ZNF91: variants seen among roughly 807,000 people sequenced by gnomAD.
The protein encoded by ZNF91 is zinc finger protein 91 (HPF7, HTF10).
In ZNF91, 7 loss-of-function variants were observed where a neutral mutation model predicts 12.6. That is an observed-to-expected ratio of 0.55 (90% confidence interval 0.31 to 1.04). The LOEUF (loss-of-function observed/expected upper bound fraction) is 1.04. Ranked by LOEUF, ZNF91 falls within the 50% of genes least tolerant of loss-of-function variation. The probability of loss-of-function intolerance (pLI) is 0.05; values close to 1 mark genes in which losing one functional copy is unlikely to be tolerated. For missense variants in ZNF91, 1,217 were observed against 1,385.4 expected (o/e 0.88, Z 1.93); for synonymous variants, 453 against 462.6 (o/e 0.98, Z 0.27).
chr19:23,351,612 T>G (rs1331418123), intron 3 of ZNF91, among the ~76,000 whole-genome samples: 1 of 152,222 alleles, frequency 6.6e-6, no homozygotes, highest in Admixed American at 6.5e-5. Context: ...TGAACAGTTT[T>G]GACCTGGGAC....
At chr19:23,344,002 T>C (rs1358275199) in intron 3 of ZNF91, among the ~76,000 whole-genome samples, 1 of 152,204 alleles carries the variant, frequency 6.6e-6, no homozygotes, top group Non-Finnish European at 1.5e-5. Flanking sequence ...ACCAAGTGAA[T>C]AAAATGGACA....
At chr19:23,375,782 TTAA>T (rs1240208924) in intron 1 of ZNF91, among the ~76,000 whole-genome samples, 1 of 152,142 alleles carries the variant, frequency 6.6e-6, no homozygotes, top group Admixed American at 6.5e-5. Context: ...ATAAAGATAC[TTAA>T]TGATGAAGAG....
intron 1 of ZNF91, among the ~76,000 whole-genome samples, chr19:23,389,155 G>C (rs915326566): frequency 6.6e-6 from 1 of 151,224 alleles, no homozygotes; most frequent in South Asian, 2.1e-4. Flanking sequence ...AAAAATAGAA[G>C]TTTAAAAAAA....
chr19:23,362,000 A>G lies in ZNF91; in HGVS notation c.979T>C (p.Cys327Arg). 6.2e-7 allele frequency: 1 copy of G among 1,613,636 alleles called. No individual in the cohort carries two copies. The highest frequency in any genetic ancestry group is 8.5e-7 in the Non-Finnish European group (1 of 1,179,794). The change falls in exon 4 of 4, where the codon TGT (cysteine) becomes CGT (arginine). Residue 327 changes from cysteine to arginine, a missense_variant. Cys to Arg is a radical substitution (Grantham distance 180, BLOSUM62 -3). Transcript: ENST00000300619. Reference sequence around the variant, plus strand: ...GAAGAACGGCTAAAAGCTTTGCCACATTCTTCACATTTGTAGGGTTTCTCT... The same window carrying G: ...GAAGAACGGCTAAAAGCTTTGCCACGTTCTTCACATTTGTAGGGTTTCTCT... The part of the protein sequence containing the change: ...TGEKPYKCEE[C>R]GKAFSRSSTL...
chr19:23,375,260 CG>C (rs1297570662), intron 1 of ZNF91, among the ~76,000 whole-genome samples: 2 of 151,896 alleles, frequency 1.3e-5, no homozygotes, highest in Non-Finnish European at 2.9e-5. Flanking sequence ...TCCCGGGTTC[CG>C]TGATTCTCCT....
Position 23,324,681 on chromosome 19 carries a change from G to A in ZNF91, n.117-15584C>T, listed in dbSNP as rs976785335. On this transcript the variant is annotated intron_variant and non_coding_transcript_variant, in intron 1 of 1. Coordinates refer to the ZNF91 transcript ENST00000596528. The stretch of plus-strand genomic sequence containing the variant: ...ATTATGACTCACTGTAGCCTCAAGA[G>A]ATCCTCTCACCTCACCCTCCCGAGT... The A allele has an allele frequency of 2.6e-5, 4 of 152,112 alleles. No individual in the cohort carries two copies. The South Asian group carries it at 8.3e-4, about 32-fold the overall frequency. 9.4% of individuals were successfully genotyped at this position (152,112 alleles called of 1,614,324 possible).
intron 3 of ZNF91, among the ~76,000 whole-genome samples, chr19:23,347,642 C>G (rs1204687702): frequency 6.6e-6 from 1 of 152,210 alleles, no homozygotes; most frequent in Non-Finnish European, 1.5e-5. Flanking sequence ...AAAGCCTCCA[C>G]AACTCTTTCC....
At chr19:23,342,131 C>A in intron 3 of ZNF91, 1 of 415,296 alleles carries the variant, frequency 2.4e-6, no homozygotes, top group South Asian at 6.0e-5. Context: ...ACCTTCGTAT[C>A]CCTCGTCTCT....
intron 1 of ZNF91, chr19:23,384,691 G>T (rs1969818711): frequency 1.7e-6 from 1 of 588,612 alleles, no homozygotes; most frequent in Admixed American, 2.6e-5. Context: ...CGTCTTTGGA[G>T]ATATTTCCTT....
chr19:23,385,858 T>C (rs557140795), intron 1 of ZNF91, among the ~76,000 whole-genome samples: 1 of 152,304 alleles, frequency 6.6e-6, no homozygotes, highest in East Asian at 1.9e-4. Flanking sequence ...ATATCTACAT[T>C]GCAAAATTTT....
chr19:23,322,308 G>C (rs1568367309), intron 1 of ZNF91, among the ~76,000 whole-genome samples: 1 of 152,100 alleles, frequency 6.6e-6, no homozygotes, highest in South Asian at 2.1e-4. Flanking sequence ...TAGAACCTAG[G>C]TGATATGGCT....
At chr19:23,317,374 ATAGG>A (rs1470753090) in intron 1 of ZNF91, among the ~76,000 whole-genome samples, 1 of 152,120 alleles carries the variant, frequency 6.6e-6, no homozygotes, top group Non-Finnish European at 1.5e-5. Flanking sequence ...AACCTAGTTC[ATAGG>A]TAGGTGAGGA....
downstream of ZNF91, among the ~76,000 whole-genome samples, chr19:23,337,072 G>T (rs1398414144): frequency 6.6e-6 from 1 of 151,960 alleles, no homozygotes; most frequent in Non-Finnish European, 1.5e-5. Flanking sequence ...GGCTTTTATG[G>T]TATCCATCAC....
At chr19:23,372,429 A>T (rs766692150) in intron 3 of ZNF91, among the ~76,000 whole-genome samples, 1 of 152,178 alleles carries the variant, frequency 6.6e-6, no homozygotes, top group Non-Finnish European at 1.5e-5. Context: ...CATCTCAAAA[A>T]TAAGTGCCTT....
At chr19:23,394,143 T>C (rs1970155783) in intron 1 of ZNF91, among the ~76,000 whole-genome samples, 1 of 151,968 alleles carries the variant, frequency 6.6e-6, no homozygotes, top group African/African-American at 2.4e-5. Context: ...CAAGCCAGAG[T>C]TAGGCTGGAG....
rs376036500 is a variant in ZNF91, at chr19:23,362,139, G to A, written c.840C>T (p.Thr280=). The A allele has an allele frequency of 1.1e-5, 17 of 1,613,876 alleles. No individual in the cohort carries two copies. The African/African-American group carries it at 1.2e-4, about 11-fold the overall frequency. Residue 280 remains threonine (T), a synonymous_variant, in exon 4 of 4, where the codon ACC becomes ACT. Coordinates refer to ENST00000300619, the MANE Select transcript of ZNF91 (RefSeq NM_003430.4). The part of the protein sequence containing the change: ...ECGKAFLWSS[T]LTRHKRIHTG... ...TGTGTATCCTCTTATGTCTAGTTAGGGTTGAGGACCATAGAAATGCTTTGC... is the reference window on the plus strand; with the variant it reads ...TGTGTATCCTCTTATGTCTAGTTAGAGTTGAGGACCATAGAAATGCTTTGC...
chr19:23,337,854 G>A (rs1396905818), downstream of ZNF91: 3 of 151,828 alleles, frequency 2.0e-5, no homozygotes, highest in Admixed American at 2.0e-4. Context: ...TTTATTGCAG[G>A]CAAAAGAAAA....
chr19:23,356,288 C>G (rs575716038), downstream of ZNF91, among the ~76,000 whole-genome samples: 2 of 151,784 alleles, frequency 1.3e-5, no homozygotes, highest in Admixed American at 1.3e-4. Flanking sequence ...GGAATTAACG[C>G]GTGGGTAAAG....
chr19:23,333,680 A>G (rs1967960586), intron 1 of ZNF91, among the ~76,000 whole-genome samples: 1 of 152,174 alleles, frequency 6.6e-6, no homozygotes. Flanking sequence ...GTGGATAAGG[A>G]CTATTTTGAA....
Sources: allele counts gnomAD v4.1 joint callset (sites outside exome capture counted in the v4.1 genomes callset), GRCh38; gene constraint gnomAD v4.1.1; transcripts MANE v1.5; gene names NCBI Gene and HGNC (gene_info 2026-07-23, HGNC 2026-07-21).